EFCAB8: variants seen among roughly 807,000 people sequenced by gnomAD.
The protein encoded by EFCAB8 is EF-hand calcium-binding domain-containing protein 8.
Under a neutral mutation model 116.3 loss-of-function variants are expected in EFCAB8, and 100 were observed. That is an observed-to-expected ratio of 0.86 (90% CI 0.73 to 1.02). The LOEUF (loss-of-function observed/expected upper bound fraction) is 1.02. EFCAB8 is among the 50% of genes least tolerant of loss of function. The pLI, the probability that EFCAB8 is intolerant of heterozygous loss-of-function variation, is 0.00. For synonymous variants in EFCAB8, 558 were observed against 567.9 expected (o/e 0.98, Z 0.25); for missense variants, 1,320 against 1,416.9 (o/e 0.93, Z 1.10).
chr20:32,875,502 G>GATTTTTTTTTTTTTTTT, intron 3 of EFCAB8, among the ~76,000 whole-genome samples: 1 of 89,890 alleles, frequency 1.1e-5, no homozygotes, highest in Non-Finnish European at 2.6e-5. Context: ...AAACATGGTG[G>GATTTTTTTTTTTTTTTT]TTTTTTTTTT....
intron 1 of EFCAB8, among the ~76,000 whole-genome samples, chr20:32,863,263 A>G (rs1484546364): frequency 6.6e-6 from 1 of 152,072 alleles, no homozygotes; most frequent in African/African-American, 2.4e-5. Context: ...GGCCTTGCTG[A>G]CCCAATAGAA....
chr20:32,909,981 A>G, intron 15 of EFCAB8, 50 bp downstream of exon 15: 1 of 1,012,594 alleles, frequency 9.9e-7, no homozygotes, highest in Non-Finnish European at 1.3e-6. Context: ...ACCAGGTGAC[A>G]CGGGGCAGAA....
chr20:32,878,746 G>A lies in EFCAB8; in HGVS notation c.370G>A (p.Glu124Lys). 6.4e-7 allele frequency: 1 copy of A among 1,552,006 alleles called. No homozygotes were observed. The highest frequency in any genetic ancestry group is 2.4e-5 in the East Asian group (1 of 40,910). ...CATGATGCGTGAGTTCCAGGGAAAAGAGGACATGCGAAAGAGCCAGTACCG... is the reference window on the plus strand; with the variant it reads ...CATGATGCGTGAGTTCCAGGGAAAAAAGGACATGCGAAAGAGCCAGTACCG... Reference protein sequence around the residue: ...DYMMREFQGKEDMRKSQYRLH... With the variant: ...DYMMREFQGKKDMRKSQYRLH... The change falls in exon 5 of 27, where the codon GAG becomes AAG. Residue 124 changes from glutamate to lysine, a missense_variant. Coordinates refer to ENST00000400522, the MANE Select transcript of EFCAB8 (RefSeq NM_001143967.2).
intron 11 of EFCAB8, among the ~76,000 whole-genome samples, chr20:32,905,187 C>G (rs1331986673): frequency 1.3e-5 from 2 of 152,180 alleles, no homozygotes; most frequent in African/African-American, 4.8e-5. Flanking sequence ...TGAATCCTGA[C>G]CCCTGTGCGG....
At chr20:32,920,872 GC>G (rs1987418991) in intron 20 of EFCAB8, among the ~76,000 whole-genome samples, 1 of 152,100 alleles carries the variant, frequency 6.6e-6, no homozygotes, top group Admixed American at 6.5e-5. Context: ...AGGAGAAGGG[GC>G]ATCTCCAGAC....
At position 32,961,815 on chromosome 20, in the gene EFCAB8, T is replaced by C. The variant is rs528239699; in HGVS notation, c.*206T>C. Reference sequence around the variant, plus strand: ...GAGCCCTGGGGCAGAAAATAAATGTTCTCAGCTGTGGGCATCCACAGGTGA... The same window carrying C: ...GAGCCCTGGGGCAGAAAATAAATGTCCTCAGCTGTGGGCATCCACAGGTGA... On this transcript the variant is annotated 3_prime_UTR_variant, in exon 27 of 27. Transcript: ENST00000400522. 7.0e-4 allele frequency among the ~76,000 whole-genome samples: 107 copies of C among 152,358 alleles called. No homozygotes were observed. Among genetic ancestry groups the C allele is most frequent in the African/African-American group, 2.5e-3 (105 of 41,586 alleles).
At chr20:32,885,789 C>A in intron 6 of EFCAB8, 149 bp downstream of exon 6, 1 of 1,026,026 alleles carries the variant, frequency 9.7e-7, no homozygotes, top group Non-Finnish European at 1.4e-6. Flanking sequence ...CCTGACTTGG[C>A]TTCACTGTGG....
At chr20:32,900,624 T>C (rs1439763639) in intron 11 of EFCAB8, among the ~76,000 whole-genome samples, 3 of 152,240 alleles carry the variant, frequency 2.0e-5, no homozygotes, top group African/African-American at 7.2e-5. Context: ...TGGAGTGCAG[T>C]GGCACAATCT....
chr20:32,958,223 C>T (rs1327912561), intron 23 of EFCAB8, among the ~76,000 whole-genome samples, 198 bp from the exon 24 acceptor site: 3 of 152,132 alleles, frequency 2.0e-5, no homozygotes, highest in Non-Finnish European at 4.4e-5. Context: ...TGTCCTAGGG[C>T]TTCTGTCTGG....
intron 18 of EFCAB8, 33 bp downstream of exon 18, chr20:32,917,538 C>T: frequency 7.5e-7 from 1 of 1,333,846 alleles, no homozygotes; most frequent in Non-Finnish European, 1.0e-6. Context: ...TCCTCCCACC[C>T]TTCTCTCAGC....
intron 15 of EFCAB8, 126 bp from the exon 16 acceptor site, chr20:32,911,354 A>T: frequency 1.3e-6 from 1 of 782,622 alleles, no homozygotes; most frequent in Non-Finnish European, 1.9e-6. Flanking sequence ...CTTATGCTGT[A>T]GCAGGGGGCC....
At chr20:32,881,494 G>C (rs768632278) in intron 5 of EFCAB8, among the ~76,000 whole-genome samples, 16 of 152,336 alleles carry the variant, frequency 1.1e-4, no homozygotes, top group Non-Finnish European at 1.9e-4. Flanking sequence ...ACCGCATCCA[G>C]CCAGTCATCT....
intron 3 of EFCAB8, 46 bp from the exon 4 acceptor site, chr20:32,875,880 G>C: frequency 6.6e-7 from 1 of 1,522,416 alleles, no homozygotes. Context: ...GATGGGCCGA[G>C]GGACTTGTGA....
intron 3 of EFCAB8, among the ~76,000 whole-genome samples, chr20:32,872,632 A>G (rs1461993538): frequency 6.6e-6 from 1 of 151,872 alleles, no homozygotes; most frequent in Non-Finnish European, 1.5e-5. Flanking sequence ...TGTCCCTACT[A>G]AAAATACAAA....
chr20:32,902,742 G>C (rs1195800453), intron 11 of EFCAB8, among the ~76,000 whole-genome samples: 1 of 152,226 alleles, frequency 6.6e-6, no homozygotes, highest in African/African-American at 2.4e-5. Flanking sequence ...GTGGGGCCTG[G>C]CATTGGCACC....
intron 4 of EFCAB8, 28 bp downstream of exon 4, chr20:32,876,072 G>T (rs1186579002): frequency 6.5e-7 from 1 of 1,539,774 alleles, no homozygotes; most frequent in Non-Finnish European, 8.8e-7. Flanking sequence ...GCTTCCTCAG[G>T]TGCTGGAGGG....
Position 32,885,507 on chromosome 20 carries a change from A to C in EFCAB8, c.434A>C (p.Asn145Thr), listed in dbSNP as rs1300772406. The part of the protein sequence containing the change: ...FYLPMTVVPL[N>T]HGCEVVKVVF... ...CTCTCTTTCATCGCCTCCCACAGGA[A>C]CCATGGCTGTGAGGTGGTGAAGGTG... The change falls in exon 6 of 27, where the codon AAC (asparagine) becomes ACC (threonine). Residue 145 changes from asparagine (N) to threonine (T), a missense_variant and splice_region_variant. Asn to Thr is a moderately conservative substitution (Grantham distance 65). Transcript: ENST00000400522. 1.3e-6 allele frequency: 2 copies of C among 1,551,760 alleles called. No homozygotes were observed. Among genetic ancestry groups the C allele is most frequent in the Non-Finnish European group, 1.7e-6 (2 of 1,147,008 alleles).
intron 20 of EFCAB8, among the ~76,000 whole-genome samples, chr20:32,923,296 G>A (rs1987536998): frequency 6.6e-6 from 1 of 152,122 alleles, no homozygotes; most frequent in South Asian, 2.1e-4. Context: ...AACCAGCCTG[G>A]GCAACACGGT....
At chr20:32,906,774 C>A in intron 12 of EFCAB8, 69 bp from the exon 13 acceptor site, 1 of 810,162 alleles carries the variant, frequency 1.2e-6, no homozygotes, top group Middle Eastern at 3.2e-4. Flanking sequence ...CTTCTGGGCA[C>A]CACCTTCACC....
Sources: gnomAD v4.1 joint callset for allele counts (sites outside exome capture counted in the v4.1 genomes callset) on GRCh38, gnomAD v4.1.1 for gene constraint, MANE v1.5 for transcripts, NCBI Gene and HGNC (gene_info 2026-07-23, HGNC 2026-07-21) for gene names.